HIBCH: variants seen among roughly 807,000 people sequenced by gnomAD.
HIBCH encodes the protein 3-hydroxyisobutyryl-CoA hydrolase.
Under a neutral mutation model 58.2 loss-of-function variants are expected in HIBCH, and 50 were observed. The observed-to-expected ratio is 0.86, with a 90% CI of 0.68 to 1.09. HIBCH has a LOEUF of 1.09. HIBCH is among the 50% of genes least tolerant of loss of function. HIBCH has a pLI of 0.00. For synonymous variants in HIBCH, 151 were observed against 146.9 expected (o/e 1.03, Z -0.20); for missense variants, 450 against 449.7 (o/e 1.00, Z -0.01).
At chr2:190,190,535 T>C (rs1163512333) in intron 1 of HIBCH, among the ~76,000 whole-genome samples, 2 of 152,232 alleles carry the variant, frequency 1.3e-5, no homozygotes, top group East Asian at 3.8e-4. Flanking sequence ...ATTTTTAAAA[T>C]ACCTGTGTTT....
At chr2:190,221,262 G>A (rs558532384) in intron 11 of HIBCH, among the ~76,000 whole-genome samples, 1 of 152,242 alleles carries the variant, frequency 6.6e-6, no homozygotes, top group African/African-American at 2.4e-5. Flanking sequence ...AGAGAGTGCT[G>A]GGTTAGAATC....
chr2:190,294,729 C>T, intron 3 of HIBCH, 99 bp from the exon 4 acceptor site: 2 of 791,650 alleles, frequency 2.5e-6, no homozygotes, highest in East Asian at 5.2e-5. Flanking sequence ...TATTCATATA[C>T]ATATGTGTTT....
At position 190,204,889 on chromosome 2, in the gene HIBCH, A is replaced by AT. The variant is rs1690351509; in HGVS notation, c.*227dup. 2.0e-6 allele frequency: 1 copy of AT among 489,452 alleles called. No individual in the cohort carries two copies. Among genetic ancestry groups the AT allele is most frequent in the Admixed American group, 3.4e-5 (1 of 29,030 alleles). The allele number at this position is 489,452 out of a possible 1,614,324, so 30.3% of individuals were successfully genotyped here. A position where few individuals can be genotyped will look rare whatever the true frequency, so the allele number is the denominator to read the frequency against. ...ACTCATTTCAAAGCAGCCACAGATAATATATAAACAGATGAGTATAGCTAG... is the reference window on the plus strand; with the variant it reads ...ACTCATTTCAAAGCAGCCACAGATAATTATATAAACAGATGAGTATAGCTAG... On this transcript the variant is annotated 3_prime_UTR_variant, in exon 14 of 14. Coordinates refer to ENST00000359678, the MANE Select transcript of HIBCH (RefSeq NM_014362.4).
intron 1 of HIBCH, among the ~76,000 whole-genome samples, chr2:190,318,774 T>G (rs1043698277): frequency 2.0e-5 from 3 of 152,090 alleles, no homozygotes; most frequent in Admixed American, 1.3e-4. Context: ...TTACTAAATC[T>G]CTCCATGAGC....
chr2:190,287,646 A>T lies in HIBCH; in HGVS notation c.386-8T>A. ...AAGGTTTCTGGCAAGAACCTGAAAG[A>T]AACAGAGCTGTAATTTTAGTTACAG... is the stretch of plus-strand genomic sequence containing the variant. On this transcript the variant is annotated splice_region_variant and splice_polypyrimidine_tract_variant and intron_variant, in intron 5 of 13. Transcript: ENST00000359678. 6.2e-7 allele frequency: 1 copy of T among 1,605,500 alleles called. No individual in the cohort carries two copies. The highest frequency in any genetic ancestry group is 8.5e-7 in the Non-Finnish European group (1 of 1,172,458).
At chr2:190,232,680 C>T (rs1170136214) in intron 11 of HIBCH, among the ~76,000 whole-genome samples, 1 of 151,934 alleles carries the variant, frequency 6.6e-6, no homozygotes, top group African/African-American at 2.4e-5. Flanking sequence ...TAATAGAGGC[C>T]GGGCATGGTG....
intron 6 of HIBCH, among the ~76,000 whole-genome samples, chr2:190,265,915 C>G (rs1369811014): frequency 6.6e-6 from 1 of 152,018 alleles, no homozygotes; most frequent in East Asian, 1.9e-4. Context: ...CAACTTATCA[C>G]TAAGGATTTA....
intron 11 of HIBCH, among the ~76,000 whole-genome samples, chr2:190,239,774 T>G (rs991777652): frequency 6.6e-6 from 1 of 151,506 alleles, no homozygotes; most frequent in African/African-American, 2.4e-5. Context: ...CTCAGCCTCC[T>G]GAGTAGCTGG....
intron 6 of HIBCH, among the ~76,000 whole-genome samples, chr2:190,285,817 C>T (rs1353010949): frequency 6.6e-6 from 1 of 152,102 alleles, no homozygotes; most frequent in Non-Finnish European, 1.5e-5. Context: ...AAGAAGTTCT[C>T]TAACCTACCT....
chr2:190,249,499 C>A, intron 9 of HIBCH, 141 bp downstream of exon 9: 1 of 599,236 alleles, frequency 1.7e-6, no homozygotes, highest in Non-Finnish European at 3.0e-6. Flanking sequence ...AGCACTGATT[C>A]TTCTGCCACG....
intron 1 of HIBCH, among the ~76,000 whole-genome samples, chr2:190,192,478 G>GTGTA (rs1291770641): frequency 6.9e-6 from 1 of 145,104 alleles, no homozygotes; most frequent in Middle Eastern, 3.4e-3. Flanking sequence ...GTGTGTGTGT[G>GTGTA]TGTGTGTGTG....
rs10650285 is a variant in HIBCH at position 190,208,668 on chromosome 2, A to ATTT, written c.1045+209_1045+211dup. The ATTT allele has an allele frequency of 0.033, 15,284 of 461,488 alleles. 232 individuals carry two copies. The highest frequency in any genetic ancestry group is 0.12 in the East Asian group (2,743 of 23,738). The allele number at this position is 461,488 out of a possible 1,614,324, so 28.6% of individuals were successfully genotyped here. A position where few individuals can be genotyped will look rare whatever the true frequency, so the allele number is the denominator to read the frequency against. On this transcript the variant is annotated intron_variant, in intron 13 of 13. Transcript: ENST00000359678. ...TGGGATCAGAAGTGTTTCAGGTTTG[A>ATTT]TTTTTTTTTTTTTTTTCAGATTTTG... is the stretch of plus-strand genomic sequence containing the variant.
chr2:190,273,408 T>G (rs1687458127), intron 6 of HIBCH, among the ~76,000 whole-genome samples: 2 of 151,514 alleles, frequency 1.3e-5, no homozygotes, highest in Non-Finnish European at 2.9e-5. Context: ...TAAATAAAAA[T>G]AAAAACAAAT....
chr2:190,272,166 ATT>A (rs1687417578), intron 6 of HIBCH, among the ~76,000 whole-genome samples: 1 of 152,160 alleles, frequency 6.6e-6, no homozygotes, highest in South Asian at 2.1e-4. Flanking sequence ...TGTTTAATGT[ATT>A]TCCAGACTAC....
chr2:190,236,867 C>T lies in HIBCH; in HGVS notation c.891+8020G>A, dbSNP rs1333774142. On this transcript the variant is annotated intron_variant, in intron 11 of 13. Transcript: ENST00000359678. This position sits in a 1 kb window ranked among gnomAD's most constrained non-coding sequence, Gnocchi z 4.1. ...AATGCCAATGGTAGCATTTAAGGGT[C>T]GCTAAGGCCCATCAGTGAACTAGAA... Among the ~76,000 whole-genome samples, 2 of 152,116 alleles carry T rather than the reference C, an allele frequency of 1.3e-5. No homozygotes were observed. Among genetic ancestry groups the T allele is most frequent in the Non-Finnish European group, 2.9e-5 (2 of 68,006 alleles).
At chr2:190,258,341 GTAGTTCTTTA>G (rs1455548172) in intron 7 of HIBCH, among the ~76,000 whole-genome samples, 2 of 152,118 alleles carry the variant, frequency 1.3e-5, no homozygotes, top group Non-Finnish European at 1.5e-5. Context: ...CCAGTCTCAG[GTAGTTCTTTA>G]TAGCAATGTG....
intron 1 of HIBCH, among the ~76,000 whole-genome samples, chr2:190,196,886 G>C (rs768104348): frequency 3.3e-5 from 5 of 152,172 alleles, no homozygotes; most frequent in African/African-American, 7.2e-5. Context: ...CAAAATACCA[G>C]AGACTAGTAT....
chr2:190,238,719 C>A (rs1686358463), intron 11 of HIBCH, among the ~76,000 whole-genome samples: 1 of 152,288 alleles, frequency 6.6e-6, no homozygotes, highest in South Asian at 2.1e-4. Flanking sequence ...CTCTGTGGCC[C>A]CCCAAAGTGC....
chr2:190,308,659 C>T (rs1003050557), intron 2 of HIBCH, among the ~76,000 whole-genome samples: 2 of 152,288 alleles, frequency 1.3e-5, no homozygotes, highest in African/African-American at 4.8e-5. Flanking sequence ...AGATGCAACA[C>T]CTTGACCTTG....
Sources: allele counts gnomAD v4.1 joint callset (sites outside exome capture counted in the v4.1 genomes callset), GRCh38; gene constraint gnomAD v4.1.1; non-coding constraint Gnocchi (gnomAD v3.1); transcripts MANE v1.5; gene names NCBI Gene and HGNC (gene_info 2026-07-23, HGNC 2026-07-21).